LTF: variants seen among roughly 807,000 people sequenced by gnomAD.
LTF encodes epididymis luminal protein 110.
In LTF, 91 loss-of-function variants were observed where a neutral mutation model predicts 87.2. The ratio of observed to expected loss-of-function variants is 1.04; its 90% CI spans 0.88 to 1.24. The LOEUF is 1.24. Ranked by LOEUF, LTF falls within the 50% of genes most tolerant of loss-of-function variation. The pLI is 0.00. For missense variants in LTF, 901 were observed against 904.3 expected, an observed-to-expected ratio of 1.00 and a Z score of 0.05; for synonymous variants, 378 against 356.1, an observed-to-expected ratio of 1.06 and a Z score of -0.69.
intron 1 of LTF, among the ~76,000 whole-genome samples, chr3:46,461,690 T>C (rs1703085251): frequency 6.6e-6 from 1 of 152,180 alleles, no homozygotes; most frequent in Non-Finnish European, 1.5e-5. Context: ...ATAAAAGTGT[T>C]CTAAAACAGA....
chr3:46,472,488 T>TTGTGTGTGTGTGTGTGTG (rs34825595), intron 1 of LTF, among the ~76,000 whole-genome samples: 9 of 106,888 alleles, frequency 8.4e-5, no homozygotes, highest in South Asian at 4.4e-4. Flanking sequence ...GAAAAGATTA[T>TTGTGTGTGTGTGTGTGTG]TGTGTGTGTG....
intron 12 of LTF, among the ~76,000 whole-genome samples, chr3:46,444,990 T>A (rs1183166405): frequency 3.3e-5 from 5 of 152,202 alleles, no homozygotes; most frequent in Non-Finnish European, 5.9e-5. Context: ...GTAAAAAGCA[T>A]TTGCACATCT....
At position 46,461,947 on chromosome 3, in the gene LTF, G is replaced by A. The variant is rs74743231; in HGVS notation, c.44-2128C>T. On this transcript the variant is annotated intron_variant, in intron 1 of 16. Transcript: ENST00000231751. ...TGTTTCTGAGCCATCCCCTTATGGC[G>A]AGAGCCACCCATGGCCCTTGGGTGG... 8.9e-3 allele frequency among the ~76,000 whole-genome samples: 1,356 copies of A among 152,264 alleles called. 18 individuals are homozygous for A. The highest frequency in any genetic ancestry group is 0.031 in the African/African-American group (1,287 of 41,536).
upstream of LTF, chr3:46,464,920 C>A: frequency 6.3e-7 from 1 of 1,581,270 alleles, no homozygotes; most frequent in South Asian, 1.1e-5. Flanking sequence ...CTTGCGCCTG[C>A]CCTGCGCCCC....
At chr3:46,464,074 G>T (rs565425983) in intron 1 of LTF, among the ~76,000 whole-genome samples, 1 of 152,204 alleles carries the variant, frequency 6.6e-6, no homozygotes, top group African/African-American at 2.4e-5. Context: ...CCTTTCTGCT[G>T]CGGCCTGGGA....
upstream of LTF, among the ~76,000 whole-genome samples, chr3:46,467,457 A>G (rs1280688327): frequency 6.6e-6 from 1 of 152,044 alleles, no homozygotes; most frequent in Non-Finnish European, 1.5e-5. Context: ...GAACTCCAGG[A>G]AGATTTAGCC....
At chr3:46,470,755 T>G (rs1452550754) in intron 1 of LTF, among the ~76,000 whole-genome samples, 2 of 152,180 alleles carry the variant, frequency 1.3e-5, no homozygotes, top group Non-Finnish European at 1.5e-5. Flanking sequence ...GCTGGCTAAG[T>G]TTGAACCAGT....
exon 2 of LTF, chr3:46,470,363 G>C (rs1055801844): frequency 1.3e-5 from 2 of 152,460 alleles, no homozygotes; most frequent in Non-Finnish European, 2.9e-5. Context: ...GAAAGTACCT[G>C]AGTTGCTGGC....
chr3:46,459,586 TTCTA>T (rs1340211726), intron 2 of LTF, 66 bp downstream of exon 2: 2 of 1,331,020 alleles, frequency 1.5e-6, no homozygotes, highest in Non-Finnish European at 2.0e-6. Flanking sequence ...AGAGCTCGTG[TTCTA>T]TCTTTTTCCA....
In LTF at chr3:46,449,927, C is replaced by G; in HGVS notation, c.984G>C (p.Arg328Ser). 3 of 1,614,170 alleles carry G rather than the reference C, an allele frequency of 1.9e-6. No individual in the cohort carries two copies. The highest frequency in any genetic ancestry group is 2.5e-6 in the Non-Finnish European group (3 of 1,180,024). Residue 328 changes from arginine to serine, a missense_variant, in exon 8 of 17, where the codon AGG (arginine) becomes AGC (serine). Coordinates refer to ENST00000231751, the MANE Select transcript of LTF (RefSeq NM_002343.6). The part of the protein sequence containing the change: ...LFKDSAIGFS[R>S]VPPRIDSGLY... The stretch of plus-strand genomic sequence containing the variant: ...GCCCAGAATCTATCCTCGGGGGCAC[C>G]CTCGAAAACCCAATGGCAGAGTCCT...
At chr3:46,458,648 C>T (rs138025775) in intron 2 of LTF, among the ~76,000 whole-genome samples, 7 of 152,312 alleles carry the variant, frequency 4.6e-5, no homozygotes, top group Non-Finnish European at 8.8e-5. Context: ...GATCTTGGCT[C>T]ACTGCAACCT....
chr3:46,481,042 G>T (rs1423024115), intron 1 of LTF, among the ~76,000 whole-genome samples: 1 of 152,180 alleles, frequency 6.6e-6, no homozygotes, highest in Admixed American at 6.5e-5. Flanking sequence ...CTTGCCCACA[G>T]CACTCACAGG....
chr3:46,443,722 C>CA (rs1323076882), intron 12 of LTF, 140 bp from the exon 13 acceptor site: 11 of 778,484 alleles, frequency 1.4e-5, no homozygotes, highest in Non-Finnish European at 2.4e-5. Context: ...CTCACCATCA[C>CA]AAAGCAACAT....
intron 1 of LTF, chr3:46,463,702 G>C: frequency 4.1e-6 from 4 of 967,834 alleles, no homozygotes; most frequent in Non-Finnish European, 4.9e-6. Flanking sequence ...AGGAAGGCAA[G>C]GCTTCCTTCC....
At chr3:46,447,505 C>T (rs1702685539) in intron 9 of LTF, 107 bp from the exon 10 acceptor site, 2 of 791,864 alleles carry the variant, frequency 2.5e-6, no homozygotes, top group Non-Finnish European at 4.5e-6. Context: ...ACCAGTGAAA[C>T]AGCAGAAAGA....
At chr3:46,442,139 A>G (rs71327065) in intron 13 of LTF, among the ~76,000 whole-genome samples, 3 of 152,130 alleles carry the variant, frequency 2.0e-5, no homozygotes, top group African/African-American at 7.2e-5. Flanking sequence ...GGGAAATATA[A>G]TATGAGAATA....
Position 46,435,804 on chromosome 3 carries a change from T to G in LTF, c.*391A>C. ...ATGCACGTGCACTGAGACAGCTATGTGAATAACCAACAAGATCCCCTTAGG... is the reference window on the plus strand; with the variant it reads ...ATGCACGTGCACTGAGACAGCTATGGGAATAACCAACAAGATCCCCTTAGG... On this transcript the variant is annotated 3_prime_UTR_variant, in exon 17 of 17. Coordinates refer to ENST00000231751, the MANE Select transcript of LTF (RefSeq NM_002343.6). The G allele has an allele frequency of 3.7e-6, 1 of 269,474 alleles. No homozygotes were observed. The highest frequency in any genetic ancestry group is 4.3e-5 in the South Asian group (1 of 23,494). The allele number at this position is 269,474 out of a possible 1,614,324, so 16.7% of individuals were successfully genotyped here. A position where few individuals can be genotyped will look rare whatever the true frequency, so the allele number is the denominator to read the frequency against.
At position 46,455,301 on chromosome 3, in the gene LTF, G is replaced by T. The variant is rs753451346; in HGVS notation, c.641C>A (p.Ala214Asp). The T allele has an allele frequency of 2.5e-6, 4 of 1,614,090 alleles. No homozygotes were observed. Among genetic ancestry groups the T allele is most frequent in the African/African-American group, 1.3e-5 (1 of 74,938 alleles). The stretch of plus-strand genomic sequence containing the variant: ...AGGGGACAGGGTCACTCACTTGAAG[G>T]CACCAGAGTAGCTGAAGTACGGTTC... ...SQEPYFSYSG[A>D]FKCLRDGAGD... The change falls in exon 5 of 17, where the codon GCC (alanine) becomes GAC (aspartate). Residue 214 changes from alanine (A) to aspartate (D), a missense_variant. By Grantham distance (126) the Ala-to-Asp change is moderately radical. Coordinates refer to ENST00000231751, the MANE Select transcript of LTF (RefSeq NM_002343.6).
At chr3:46,454,475 G>A in intron 5 of LTF, 115 bp from the exon 6 acceptor site, 2 of 939,280 alleles carry the variant, frequency 2.1e-6, no homozygotes, top group Non-Finnish European at 1.7e-6. Flanking sequence ...GCAGGGCAGG[G>A]CTCTGAAGCT....
Sources: allele counts gnomAD v4.1 joint callset (sites outside exome capture counted in the v4.1 genomes callset), GRCh38; gene constraint gnomAD v4.1.1; transcripts MANE v1.5; gene names NCBI Gene and HGNC (gene_info 2026-07-23, HGNC 2026-07-21).